Variants in LRCH1 observed in about 807,000 individuals in gnomAD.
The protein encoded by LRCH1 is leucine-rich repeat and calponin homology domain-containing protein 1.
LRCH1 carries 23 observed loss-of-function variants against 94.9 expected under a neutral mutation model. That is an observed-to-expected ratio of 0.24 (90% CI 0.17 to 0.34). The LOEUF is 0.34. Among genes scored for constraint, LRCH1 ranks in the 10% least tolerant of loss-of-function variants. The pLI is 1.00. For synonymous variants in LRCH1, 364 were observed against 354.9 expected, an observed-to-expected ratio of 1.03 and a Z score of -0.29; for missense variants, 790 against 945.9, an observed-to-expected ratio of 0.84 and a Z score of 2.16.
At chr13:46,661,217 C>T (rs181289851) in intron 2 of LRCH1, among the ~76,000 whole-genome samples, 28 of 152,174 alleles carry the variant, frequency 1.8e-4, no homozygotes, top group Admixed American at 8.5e-4. Flanking sequence ...CTGACCCACC[C>T]GGTTTCAAAC....
intron 1 of LRCH1, among the ~76,000 whole-genome samples, chr13:46,573,971 A>G (rs1278208582): frequency 2.0e-5 from 3 of 148,264 alleles, no homozygotes; most frequent in Admixed American, 1.4e-4. Flanking sequence ...CAAGCCTCCC[A>G]AGTAGCTGGG....
At chr13:46,609,397 T>C (rs1270908920) in intron 1 of LRCH1, among the ~76,000 whole-genome samples, 1 of 152,200 alleles carries the variant, frequency 6.6e-6, no homozygotes, top group Non-Finnish European at 1.5e-5. Flanking sequence ...TCCACTGCTG[T>C]TCAGTTGCAT....
At chr13:46,692,263 T>C (rs961505080) in intron 7 of LRCH1, among the ~76,000 whole-genome samples, 8 of 152,300 alleles carry the variant, frequency 5.3e-5, no homozygotes, top group African/African-American at 1.9e-4. Flanking sequence ...AACACACCCG[T>C]ATAACCAGCT....
chr13:46,696,230 ACACT>A (rs1462933912), intron 9 of LRCH1, among the ~76,000 whole-genome samples: 7 of 137,224 alleles, frequency 5.1e-5, no homozygotes, highest in South Asian at 4.6e-4. Context: ...ACACACACAC[ACACT>A]CTTTATATTC....
At chr13:46,607,882 C>T (rs192199089) in intron 1 of LRCH1, among the ~76,000 whole-genome samples, 1 of 152,230 alleles carries the variant, frequency 6.6e-6, no homozygotes, top group Non-Finnish European at 1.5e-5. Context: ...TGGGAAGGAT[C>T]TGCAATGCTT....
chr13:46,745,459 A>G (rs996491711), downstream of LRCH1, among the ~76,000 whole-genome samples: 7 of 152,078 alleles, frequency 4.6e-5, no homozygotes, highest in Non-Finnish European at 8.8e-5. Context: ...ACTGAGACTT[A>G]GCAAACGTTC....
rs151307632 is a variant in LRCH1, at chr13:46,572,059, C to T, written c.307+18356C>T. ...TGGGGACGTGCATCTGTCTCTGCCA[C>T]TACTCTGGGAACATATCTCTTGTCG... is the stretch of plus-strand genomic sequence containing the variant. On this transcript the variant is annotated intron_variant, in intron 1 of 19. Transcript: ENST00000389797. Among the ~76,000 whole-genome samples the T allele has an allele frequency of 4.9e-4, 74 of 152,326 alleles. 1 individual carries two copies. In the East Asian group the frequency reaches 0.013, roughly 27 times the overall value.
At chr13:46,566,622 T>A (rs1336344320) in intron 1 of LRCH1, among the ~76,000 whole-genome samples, 1 of 152,222 alleles carries the variant, frequency 6.6e-6, no homozygotes, top group African/African-American at 2.4e-5. Flanking sequence ...GAGCCGAAAT[T>A]GGAGCCCAAA....
Position 46,715,581 on chromosome 13 carries a change from C to A in LRCH1, c.1676C>A (p.Pro559His). 6.5e-7 allele frequency: 1 copy of A among 1,537,076 alleles called. No individual in the cohort carries two copies. Residue 559 changes from proline (P) to histidine (H), a missense_variant, in exon 16 of 20, where the codon CCT (proline) becomes CAT (histidine). Physicochemically the swap from Pro to His is moderately conservative, Grantham distance 77. This residue lies in a region of LRCH1 where 460 missense variants were observed against 508.9 expected (regional missense o/e 0.90). Coordinates refer to ENST00000389797, the MANE Select transcript of LRCH1 (RefSeq NM_001164211.2). ...GCAGACCCAGCCCTCATTCTTCCTC[C>A]TATCTCCTTCAACACACTTACACAG... Reference protein sequence around the residue: ...PRSDPALILPPISFNTLTQAQ... With the variant: ...PRSDPALILPHISFNTLTQAQ...
chr13:46,619,151 C>G (rs2050850634), intron 1 of LRCH1, among the ~76,000 whole-genome samples: 1 of 144,602 alleles, frequency 6.9e-6, no homozygotes. Flanking sequence ...GCTCTGTCAC[C>G]CAGGCTGGAG....
At chr13:46,745,039 A>T (rs1470225949), downstream of LRCH1, 1 of 447,320 alleles carries the variant, frequency 2.2e-6, no homozygotes, top group Non-Finnish European at 2.9e-6. Context: ...GGGGATAAAA[A>T]AGTCACTGGG....
downstream of LRCH1, among the ~76,000 whole-genome samples, chr13:46,747,488 A>G (rs926224702): frequency 6.6e-6 from 1 of 152,210 alleles, no homozygotes; most frequent in Non-Finnish European, 1.5e-5. Context: ...AGGATAGGAC[A>G]CCTTGCTCCA....
Position 46,553,417 on chromosome 13 carries a change from A to C in LRCH1, c.21A>C (p.Glu7Asp), listed in dbSNP as rs1305839247. 6.5e-7 allele frequency: 1 copy of C among 1,544,614 alleles called. No homozygotes were observed. Among genetic ancestry groups the C allele is most frequent in the African/African-American group, 1.4e-5 (1 of 72,556 alleles). Residue 7 changes from glutamate to aspartate, a missense_variant, in exon 1 of 20, where the codon GAA becomes GAC. Physicochemically the swap from Glu to Asp is conservative, Grantham distance 45 (BLOSUM62 2). This residue lies in a region of LRCH1 where 136 missense variants were observed against 143.5 expected (regional missense o/e 0.95). Transcript: ENST00000389797. ...AGAAGATGGCGACGCCGGGAAGCGA[A>C]CCCCAACCTTTCGTCCCGGCCCTTT... Reference protein sequence around the residue: MATPGSEPQPFVPALSV... With the variant: MATPGSDPQPFVPALSV...
At chr13:46,598,799 A>G (rs1347265177) in intron 1 of LRCH1, among the ~76,000 whole-genome samples, 1 of 152,202 alleles carries the variant, frequency 6.6e-6, no homozygotes, top group African/African-American at 2.4e-5. Context: ...ACCATGGGCA[A>G]TGCTCTATGG....
At chr13:46,698,967 G>A (rs957164705) in intron 9 of LRCH1, among the ~76,000 whole-genome samples, 2 of 152,124 alleles carry the variant, frequency 1.3e-5, no homozygotes, top group Non-Finnish European at 2.9e-5. Flanking sequence ...TTCCTTCCCG[G>A]CAGCCCCTGG....
chr13:46,650,922 A>G (rs1169264211), intron 2 of LRCH1, among the ~76,000 whole-genome samples: 1 of 152,196 alleles, frequency 6.6e-6, no homozygotes, highest in Non-Finnish European at 1.5e-5. Flanking sequence ...GTGTTTGCTG[A>G]GCATGGTTTA....
At chr13:46,702,725 G>A (rs1871546445) in intron 11 of LRCH1, among the ~76,000 whole-genome samples, 1 of 152,164 alleles carries the variant, frequency 6.6e-6, no homozygotes, top group Non-Finnish European at 1.5e-5. Context: ...TTAGGTAAAG[G>A]CATGAAGGTC....
chr13:46,589,279 C>T lies in LRCH1; in HGVS notation c.307+35576C>T, dbSNP rs544327600. Among the ~76,000 whole-genome samples, 8 of 152,296 alleles carry T rather than the reference C, an allele frequency of 5.3e-5. No individual in the cohort carries two copies. In the South Asian group the frequency reaches 1.7e-3, roughly 32 times the overall value. On this transcript the variant is annotated intron_variant, in intron 1 of 19. Transcript: ENST00000389797. The stretch of plus-strand genomic sequence containing the variant: ...TCTCAGACTCAAGTGATCCTCCTGC[C>T]TCAGCCTCCCAAGTATTCAGATTAT...
chr13:46,742,724 C>T lies in LRCH1; in HGVS notation c.*876C>T. ...CCACATCACATAGTAACTGCCGGTC[C>T]AGAATGTGACGGATTCGACTCTATT... On this transcript the variant is annotated 3_prime_UTR_variant, in exon 20 of 20. Transcript: ENST00000389797. 4 of 985,370 alleles carry T rather than the reference C, an allele frequency of 4.1e-6. No individual in the cohort carries two copies. Among genetic ancestry groups the T allele is most frequent in the Non-Finnish European group, 2.4e-6 (2 of 829,926 alleles). The allele number at this position is 985,370 out of a possible 1,614,324, so 61.0% of individuals were successfully genotyped here.
Sources: gnomAD v4.1 joint callset for allele counts (sites outside exome capture counted in the v4.1 genomes callset) on GRCh38, gnomAD v4.1.1 for gene constraint, gnomAD v4.1.1 regional missense constraint, MANE v1.5 for transcripts, NCBI Gene and HGNC (gene_info 2026-07-23, HGNC 2026-07-21) for gene names.